Variants in JAK3 observed in about 807,000 individuals in gnomAD.
JAK3 encodes the protein Janus kinase 3, also known as tyrosine-protein kinase JAK3.
In JAK3, 88 loss-of-function variants were observed where a neutral mutation model predicts 120.8. That is an observed-to-expected ratio of 0.73 (90% CI 0.61 to 0.87). JAK3 has a LOEUF of 0.87. Ranked by LOEUF, JAK3 falls within the 40% of genes least tolerant of loss-of-function variation. The pLI, the probability that JAK3 is intolerant of heterozygous loss-of-function variation, is 0.00. For synonymous variants in JAK3, 592 were observed against 628.6 expected (o/e 0.94, Z 0.87); for missense variants, 1,254 against 1,501.4 (o/e 0.84, Z 2.72).
In JAK3 at chr19:17,842,059, C is replaced by G. The variant is rs561473537; in HGVS notation, c.861+257G>C. ...AGCCTCACTCTGCCTCTTAGTCTTG[C>G]CTCGTTCCAGCGCCCACCCACCCAC... On this transcript the variant is annotated intron_variant, in intron 6 of 23. Transcript: ENST00000458235. The surrounding 1 kb of genome is among the most constrained non-coding windows in gnomAD (Gnocchi z 6.4). 6.6e-6 allele frequency among the ~76,000 whole-genome samples: 1 copy of G among 151,902 alleles called. No individual in the cohort carries two copies. The highest frequency in any genetic ancestry group is 1.5e-5 in the Non-Finnish European group (1 of 67,972).
Position 17,831,109 on chromosome 19 carries a change from G to A in JAK3, c.2978+119C>T, listed in dbSNP as rs902110139. On this transcript the variant is annotated intron_variant, in intron 21 of 23. Coordinates refer to ENST00000458235, the MANE Select transcript of JAK3 (RefSeq NM_000215.4). This position sits in a 1 kb window ranked among gnomAD's most constrained non-coding sequence, Gnocchi z 5.1. ...GGGAGTGGGAGGGGCCAAAGCTGCA[G>A]CGGAGGAAGGGCGGGGCTAAGGCTG... The A allele has an allele frequency of 2.8e-6, 3 of 1,081,256 alleles. No individual in the cohort carries two copies. The highest frequency in any genetic ancestry group is 3.2e-5 in the African/African-American group (2 of 61,678). 67.0% of individuals were successfully genotyped at this position (1,081,256 alleles called of 1,614,324 possible). A position where few individuals can be genotyped will look rare whatever the true frequency, so the allele number is the denominator to read the frequency against.
rs1268734486 is a variant in JAK3, at chr19:17,831,145, CA to C, written c.2978+82del. On this transcript the variant is annotated intron_variant, in intron 21 of 23. Transcript: ENST00000458235. This position sits in a 1 kb window ranked among gnomAD's most constrained non-coding sequence, Gnocchi z 5.1. Reference sequence around the variant, plus strand: ...GCGGGGCTAAGGCTGGGGAGCAAAGCAGCGGGAGGGGGCGGGGGCATGGCTG... The same window carrying C: ...GCGGGGCTAAGGCTGGGGAGCAAAGCGCGGGAGGGGGCGGGGGCATGGCTG... 3 of 1,365,002 alleles carry C rather than the reference CA, an allele frequency of 2.2e-6. No individual in the cohort carries two copies. In the East Asian group the frequency reaches 7.5e-5, roughly 34 times the overall value. 84.6% of individuals were successfully genotyped at this position (1,365,002 alleles called of 1,614,324 possible). A position where few individuals can be genotyped will look rare whatever the true frequency, so the allele number is the denominator to read the frequency against.
In JAK3 at chr19:17,842,625, G is replaced by C; in HGVS notation, c.567-15C>G. On this transcript the variant is annotated splice_polypyrimidine_tract_variant and intron_variant, in intron 5 of 23. Coordinates refer to ENST00000458235, the MANE Select transcript of JAK3 (RefSeq NM_000215.4). The surrounding 1 kb of genome is among the most constrained non-coding windows in gnomAD (Gnocchi z 6.4). ...AGGCCTTGTAGCTGCAGGGGTTGGA[G>C]GGGAGGGAGCCGGCCCTCAGCGTCG... 6.4e-7 allele frequency: 1 copy of C among 1,552,846 alleles called. No homozygotes were observed. Among genetic ancestry groups the C allele is most frequent in the South Asian group, 1.2e-5 (1 of 84,280 alleles).
Position 17,842,431 on chromosome 19 carries a change from C to T in JAK3, c.746G>A (p.Gly249Glu). The change falls in exon 6 of 24, where the codon GGG (glycine) becomes GAG (glutamate). Residue 249 changes from glycine (G) to glutamate (E), a missense_variant. Transcript: ENST00000458235. This position sits in a 1 kb window ranked among gnomAD's most constrained non-coding sequence, Gnocchi z 6.4. Reference protein sequence around the residue: ...IMDLERLDPAGAAETFHVGLP... With the variant: ...IMDLERLDPAEAAETFHVGLP... ...GCCCACGTGGAAGGTCTCGGCGGCC[C>T]CGGCTGGATCCAGCCGCTCCAGGTC... The T allele has an allele frequency of 6.3e-7, 1 of 1,585,324 alleles. No individual in the cohort carries two copies. The highest frequency in any genetic ancestry group is 8.6e-7 in the Non-Finnish European group (1 of 1,168,316).
intron 23 of JAK3, among the ~76,000 whole-genome samples, chr19:17,828,008 A>G (rs566446426): frequency 4.0e-5 from 6 of 151,850 alleles, no homozygotes; most frequent in Non-Finnish European, 7.4e-5. Context: ...ATCTGCCTCC[A>G]TCGCACTGGT....
At chr19:17,837,085 C>G in intron 13 of JAK3, 44 bp downstream of exon 13, 1 of 969,644 alleles carries the variant, frequency 1.0e-6, no homozygotes, top group South Asian at 1.5e-5. Context: ...ACAGCCTAGA[C>G]TTGGGTGAGG....
chr19:17,830,652 G>A (rs751603460), intron 21 of JAK3, 32 bp from the exon 22 acceptor site: 36 of 1,564,550 alleles, frequency 2.3e-5, no homozygotes, highest in Admixed American at 1.0e-4. Flanking sequence ...GAGATGCGAG[G>A]GTGTAGAAAG....
rs1186316632 is a variant in JAK3, at chr19:17,835,854, C to A, written c.1914+70G>T. On this transcript the variant is annotated intron_variant, in intron 14 of 23. Transcript: ENST00000458235. ...CCTATGCATACTACAGAGCCCACTC[C>A]CAATTCCTCTTCCACCCAGAGAAAG... is the stretch of plus-strand genomic sequence containing the variant. 4.4e-6 allele frequency: 7 copies of A among 1,601,070 alleles called. No individual in the cohort carries two copies. In the East Asian group the frequency reaches 1.3e-4, roughly 31 times the overall value.
intron 23 of JAK3, chr19:17,829,687 G>A (rs1054562140): frequency 6.9e-6 from 2 of 289,456 alleles, no homozygotes; most frequent in African/African-American, 2.1e-5. Flanking sequence ...TTGAGCTCAG[G>A]AGTTGGAGGC....
Position 17,835,088 on chromosome 19 carries a change from A to G in JAK3, c.2042T>C (p.Leu681Pro), listed in dbSNP as rs747076404. 2.5e-6 allele frequency: 4 copies of G among 1,614,108 alleles called. No individual in the cohort carries two copies. In the South Asian group the frequency reaches 3.3e-5, roughly 13 times the overall value. Reference sequence around the variant, plus strand: ...CTCCACCTCCAGGAACTTACTCTCCAGGCTTAACACAGCGGGGCTGACCCC... The same window carrying G: ...CTCCACCTCCAGGAACTTACTCTCCGGGCTTAACACAGCGGGGCTGACCCC... ...DPGVSPAVLS[L>P]EMLTDRIPWV... Residue 681 changes from leucine (L) to proline (P), a missense_variant, in exon 15 of 24, where the codon CTG becomes CCG. By Grantham distance (98) the Leu-to-Pro change is moderately conservative. Coordinates refer to ENST00000458235, the MANE Select transcript of JAK3 (RefSeq NM_000215.4).
chr19:17,827,858 C>G (rs931314646), intron 23 of JAK3, among the ~76,000 whole-genome samples: 14 of 149,304 alleles, frequency 9.4e-5, no homozygotes, highest in African/African-American at 3.2e-4. Flanking sequence ...GCCGAGATTG[C>G]GCCATTGCAC....
chr19:17,828,107 G>A (rs1752668049), intron 23 of JAK3, among the ~76,000 whole-genome samples: 1 of 152,016 alleles, frequency 6.6e-6, no homozygotes. Flanking sequence ...CTTTACTCAT[G>A]GGTAGGCTCC....
intron 1 of JAK3, among the ~76,000 whole-genome samples, chr19:17,845,954 A>G (rs2094251266): frequency 6.6e-6 from 1 of 151,980 alleles, no homozygotes; most frequent in Admixed American, 6.6e-5. Flanking sequence ...AGTAGCTGGG[A>G]TTACAGGGGC....
chr19:17,834,714 T>C lies in JAK3; in HGVS notation c.2207A>G (p.Gln736Arg). ...CAGCTGCTGCCGGTCCTCATAAAAT[T>C]GGAGTTTCTGAGGGTGAGAGGAGCA... Reference protein sequence around the residue: ...ISALDPAKKLQFYEDRQQLPA... With the variant: ...ISALDPAKKLRFYEDRQQLPA... Residue 736 changes from glutamine to arginine, a missense_variant, in exon 17 of 24, where the codon CAA becomes CGA. This residue lies in a region of JAK3 where 630 missense variants were observed against 819.8 expected (regional missense o/e 0.77). Transcript: ENST00000458235. 1 of 1,613,870 alleles carries C rather than the reference T, an allele frequency of 6.2e-7. No homozygotes were observed. The highest frequency in any genetic ancestry group is 8.5e-7 in the Non-Finnish European group (1 of 1,179,974).
intron 1 of JAK3, among the ~76,000 whole-genome samples, chr19:17,847,172 A>C (rs1447758630): frequency 3.3e-5 from 5 of 152,134 alleles, no homozygotes; most frequent in Non-Finnish European, 7.3e-5. Flanking sequence ...TGTTGGGATT[A>C]AAGGCATGAG....
In JAK3 at chr19:17,831,096, G is replaced by T; in HGVS notation, c.2978+132C>A. 1.1e-6 allele frequency: 1 copy of T among 913,354 alleles called. No individual in the cohort carries two copies. The highest frequency in any genetic ancestry group is 1.6e-6 in the Non-Finnish European group (1 of 608,946). 56.6% of individuals were successfully genotyped at this position (913,354 alleles called of 1,614,324 possible). On this transcript the variant is annotated intron_variant, in intron 21 of 23. Coordinates refer to ENST00000458235, the MANE Select transcript of JAK3 (RefSeq NM_000215.4). The surrounding 1 kb of genome is among the most constrained non-coding windows in gnomAD (Gnocchi z 5.1). ...GGGCGGGGCTCTGGGGAGTGGGAGGGGCCAAAGCTGCAGCGGAGGAAGGGC... is the reference window on the plus strand; with the variant it reads ...GGGCGGGGCTCTGGGGAGTGGGAGGTGCCAAAGCTGCAGCGGAGGAAGGGC...
intron 23 of JAK3, among the ~76,000 whole-genome samples, chr19:17,827,182 T>A (rs911617091): frequency 6.6e-6 from 1 of 151,974 alleles, no homozygotes; most frequent in Non-Finnish European, 1.5e-5. Flanking sequence ...TTTCACCATG[T>A]TGGCCAGGTT....
At chr19:17,844,833 A>G (rs1416680906) in intron 1 of JAK3, among the ~76,000 whole-genome samples, 5 of 139,328 alleles carry the variant, frequency 3.6e-5, no homozygotes, top group Admixed American at 2.9e-4. Flanking sequence ...AAAGAAAGAA[A>G]GAAGGAAAGC....
At chr19:17,828,626 T>A (rs1439083277) in intron 23 of JAK3, among the ~76,000 whole-genome samples, 1 of 152,004 alleles carries the variant, frequency 6.6e-6, no homozygotes, top group Non-Finnish European at 1.5e-5. Flanking sequence ...TGGGCTCCAG[T>A]GATCCTTCTG....
Sources: gnomAD v4.1 joint callset for allele counts (sites outside exome capture counted in the v4.1 genomes callset) on GRCh38, gnomAD v4.1.1 for gene constraint, gnomAD v4.1.1 regional missense constraint, Gnocchi (gnomAD v3.1) non-coding constraint, MANE v1.5 for transcripts, NCBI Gene and HGNC (gene_info 2026-07-23, HGNC 2026-07-21) for gene names.